The following KRT40 variants were observed in gnomAD, a reference collection of about 807,000 sequenced individuals.
KRT40 encodes the protein keratin 40, also known as keratin, type I cytoskeletal 40.
Under a neutral mutation model 43.5 loss-of-function variants are expected in KRT40, and 47 were observed. That is an observed-to-expected ratio of 1.08 (90% CI 0.86 to 1.38). KRT40 has a LOEUF of 1.38. KRT40 is among the 40% of genes most tolerant of loss of function. KRT40 has a pLI of 0.00. For missense variants in KRT40, 573 were observed against 523.6 expected, an observed-to-expected ratio of 1.09 and a Z score of -0.92; for synonymous variants, 212 against 214.0, an observed-to-expected ratio of 0.99 and a Z score of 0.08.
upstream of KRT40, among the ~76,000 whole-genome samples, chr17:40,986,146 T>C (rs1272652626): frequency 2.0e-5 from 3 of 152,186 alleles, no homozygotes; most frequent in Non-Finnish European, 4.4e-5. Context: ...GGAAAAGAAG[T>C]CAGGCTGGCA....
Position 40,978,797 on chromosome 17 carries a change from A to G in KRT40, c.1196+7T>C. 1 of 1,608,356 alleles carries G rather than the reference A, an allele frequency of 6.2e-7. No individual in the cohort carries two copies. The highest frequency in any genetic ancestry group is 8.5e-7 in the Non-Finnish European group (1 of 1,176,934). ...TGGGGGATTTCATGAGTAACTGTGG[A>G]ACTTGCCTGCTGTCCTCGCTGTCCA... On this transcript the variant is annotated splice_region_variant and intron_variant, in intron 6 of 6. Transcript: ENST00000377755.
At position 40,984,009 on chromosome 17, in the gene KRT40, C is replaced by T. The variant is rs1912324226; in HGVS notation, c.265G>A (p.Glu89Lys). Reference protein sequence around the residue: ...WCEDGVFTSNEKETMQFLNDR... With the variant: ...WCEDGVFTSNKKETMQFLNDR... ...TTCAGGAACTGCATCGTCTCCTTCT[C>T]ATTGCTAGTGAACACCCCATCCTCA... The change falls in exon 1 of 7, where the codon GAG (glutamate) becomes AAG (lysine). Residue 89 changes from glutamate to lysine, a missense_variant. Glu to Lys is a moderately conservative substitution (Grantham distance 56). Coordinates refer to ENST00000377755, the MANE Select transcript of KRT40 (RefSeq NM_001389244.1). 1.2e-6 allele frequency: 2 copies of T among 1,614,006 alleles called. No individual in the cohort carries two copies. The highest frequency in any genetic ancestry group is 1.7e-5 in the Admixed American group (1 of 59,982).
At chr17:40,980,302 G>A (rs1216383516) in intron 5 of KRT40, among the ~76,000 whole-genome samples, 8 of 152,198 alleles carry the variant, frequency 5.3e-5, no homozygotes, top group Admixed American at 1.3e-4. Flanking sequence ...TGCACACAGT[G>A]GTGCTTGACC....
At chr17:40,978,771 C>G in intron 6 of KRT40, 33 bp downstream of exon 6, 1 of 1,575,552 alleles carries the variant, frequency 6.3e-7, no homozygotes. Context: ...CTTTGTGACT[C>G]TGGGGGATTT....
chr17:40,983,709 C>T (rs6503570), intron 1 of KRT40, 118 bp downstream of exon 1: 277,509 of 995,138 alleles, frequency 0.28, 43,660 homozygotes, highest in African/African-American at 0.62. Context: ...CTATGTATCA[C>T]TAACTCTTAG....
rs150097025 is a variant in KRT40, at chr17:40,978,778, A to T, written c.1196+26T>A. The T allele has an allele frequency of 2.0e-3, 3,137 of 1,587,678 alleles. 103 individuals carry two copies. In the East Asian group the frequency reaches 0.064, roughly 32 times the overall value. On this transcript the variant is annotated intron_variant, in intron 6 of 6. Coordinates refer to ENST00000377755, the MANE Select transcript of KRT40 (RefSeq NM_001389244.1). Reference sequence around the variant, plus strand: ...ATCAGCCTCTTTGTGACTCTGGGGGATTTCATGAGTAACTGTGGAACTTGC... The same window carrying T: ...ATCAGCCTCTTTGTGACTCTGGGGGTTTTCATGAGTAACTGTGGAACTTGC...
At position 40,984,178 on chromosome 17, in the gene KRT40, A is replaced by G. The variant is rs772907586; in HGVS notation, c.96T>C (p.Ala32=). The G allele has an allele frequency of 2.5e-6, 4 of 1,614,120 alleles. No individual in the cohort carries two copies. Among genetic ancestry groups the G allele is most frequent in the Non-Finnish European group, 3.4e-6 (4 of 1,180,026 alleles). The change falls in exon 1 of 7, where the codon GCT becomes GCC. Residue 32 remains alanine, a synonymous_variant. Transcript: ENST00000377755. ...APASSCSVET[A]CLPGTCATSR... ...ATGTAGCACAGGTACCGGGGAGACA[A>G]GCTGTTTCCACGGAGCAGCTTGAGG...
chr17:40,978,303 A>T lies in KRT40; in HGVS notation c.1197-7T>A. On this transcript the variant is annotated splice_polypyrimidine_tract_variant and splice_region_variant and intron_variant, in intron 6 of 6. Coordinates refer to ENST00000377755, the MANE Select transcript of KRT40 (RefSeq NM_001389244.1). ...ACATGGGCTACAGGAAAGCCTGGGG[A>T]AAAATCGATTTTCAACCAAGATTAA... The T allele has an allele frequency of 6.2e-7, 1 of 1,609,824 alleles. No individual in the cohort carries two copies. The highest frequency in any genetic ancestry group is 8.5e-7 in the Non-Finnish European group (1 of 1,176,302).
Position 40,981,259 on chromosome 17 carries a change from G to C in KRT40, c.688-108C>G. 1.9e-6 allele frequency: 3 copies of C among 1,585,186 alleles called. 1 individual carries two copies. In the East Asian group the frequency reaches 6.7e-5, roughly 36 times the overall value. On this transcript the variant is annotated intron_variant, in intron 3 of 6. Coordinates refer to ENST00000377755, the MANE Select transcript of KRT40 (RefSeq NM_001389244.1). ...TTTGGAGCAGTGGGTAAAAGTGTGA[G>C]ATTTTGATTCAGATTGCCTGGGCTG... is the stretch of plus-strand genomic sequence containing the variant.
At chr17:40,982,711 A>G (rs1912243979) in intron 2 of KRT40, among the ~76,000 whole-genome samples, 1 of 152,078 alleles carries the variant, frequency 6.6e-6, no homozygotes, top group Non-Finnish European at 1.5e-5. Flanking sequence ...TTATTTTCAA[A>G]TTAAAATTAA....
chr17:40,984,339 C>A (rs112679140), upstream of KRT40: 19 of 1,262,230 alleles, frequency 1.5e-5, no homozygotes, highest in Non-Finnish European at 2.1e-5. Context: ...AAACTCTCCT[C>A]TCCTGAGAGT....
chr17:40,985,299 A>T (rs1340282919), upstream of KRT40, among the ~76,000 whole-genome samples: 1 of 152,184 alleles, frequency 6.6e-6, no homozygotes, highest in Non-Finnish European at 1.5e-5. Context: ...ATTCCACTGG[A>T]TGAAATCTCT....
chr17:40,985,531 C>T (rs964777370), upstream of KRT40, among the ~76,000 whole-genome samples: 1 of 152,074 alleles, frequency 6.6e-6, no homozygotes, highest in African/African-American at 2.4e-5. Context: ...AATTTTTGAT[C>T]CAGAATAAAC....
intron 6 of KRT40, among the ~76,000 whole-genome samples, 174 bp from the exon 7 acceptor site, chr17:40,978,470 A>G (rs913871318): frequency 2.6e-5 from 4 of 152,198 alleles, no homozygotes; most frequent in African/African-American, 9.7e-5. Context: ...CTTCATGTTC[A>G]CTGTAGCAGT....
Position 40,982,586 on chromosome 17 carries a change from A to G in KRT40, c.531-123T>C, listed in dbSNP as rs890210121. On this transcript the variant is annotated intron_variant, in intron 2 of 6. Transcript: ENST00000377755. ...TGTGCATAATTTCTCTTAATTCCTA[A>G]GTAATGATAAATTCAAGCTTTTAAA... 1.8e-5 allele frequency: 12 copies of G among 662,120 alleles called. No homozygotes were observed. In the Admixed American group the frequency reaches 3.8e-4, roughly 21 times the overall value. 41.0% of individuals were successfully genotyped at this position (662,120 alleles called of 1,614,324 possible).
chr17:40,984,167 C>T lies in KRT40; in HGVS notation c.107G>A (p.Gly36Asp). The T allele has an allele frequency of 1.2e-6, 2 of 1,614,064 alleles. No individual in the cohort carries two copies. The highest frequency in any genetic ancestry group is 1.7e-6 in the Non-Finnish European group (2 of 1,180,022). ...CTGACATCGGGATGTAGCACAGGTA[C>T]CGGGGAGACAAGCTGTTTCCACGGA... is the stretch of plus-strand genomic sequence containing the variant. ...SCSVETACLP[G>D]TCATSRCQTP... The change falls in exon 1 of 7, where the codon GGT becomes GAT. Residue 36 changes from glycine (G) to aspartate (D), a missense_variant. Coordinates refer to ENST00000377755, the MANE Select transcript of KRT40 (RefSeq NM_001389244.1).
chr17:40,983,168 A>C (rs1212745746), intron 1 of KRT40, 40 bp from the exon 2 acceptor site: 13 of 837,844 alleles, frequency 1.6e-5, no homozygotes, highest in Non-Finnish European at 2.2e-5. Flanking sequence ...ATTCTTTGAG[A>C]GAAACCTAAG....
At chr17:40,979,571 C>T (rs369645741) in intron 5 of KRT40, among the ~76,000 whole-genome samples, 4 of 151,674 alleles carry the variant, frequency 2.6e-5, no homozygotes, top group Admixed American at 6.6e-5. Context: ...CACTGTTCTA[C>T]GTGTCAACTA....
At position 40,982,329 on chromosome 17, in the gene KRT40, C is replaced by A; in HGVS notation, c.665G>T (p.Cys222Phe). Residue 222 changes from cysteine to phenylalanine, a missense_variant, in exon 3 of 7, where the codon TGC becomes TTC. Cys to Phe is a radical substitution (Grantham distance 205). Transcript: ENST00000377755. ...HVESLKEDLLCLKKNHEEEVN... is the reference protein window; with the variant it reads ...HVESLKEDLLFLKKNHEEEVN... ...TACCTCTTCATGGTTTTTCTTAAGGCAAAGGAGATCTTCCTTCAGAGACTC... is the reference window on the plus strand; with the variant it reads ...TACCTCTTCATGGTTTTTCTTAAGGAAAAGGAGATCTTCCTTCAGAGACTC... The A allele has an allele frequency of 6.3e-7, 1 of 1,593,250 alleles. No homozygotes were observed. Among genetic ancestry groups the A allele is most frequent in the Non-Finnish European group, 8.5e-7 (1 of 1,171,608 alleles).
Sources: allele counts gnomAD v4.1 joint callset (sites outside exome capture counted in the v4.1 genomes callset), GRCh38; gene constraint gnomAD v4.1.1; transcripts MANE v1.5; gene names NCBI Gene and HGNC (gene_info 2026-07-23, HGNC 2026-07-21).